CTTN: variants seen among roughly 807,000 people sequenced by gnomAD.
The protein encoded by CTTN is cortactin.
CTTN carries 28 observed loss-of-function variants against 84.0 expected under a neutral mutation model. The observed-to-expected ratio is 0.33, with a 90% CI of 0.25 to 0.46. The LOEUF (loss-of-function observed/expected upper bound fraction) is 0.46, where lower values mean the gene tolerates loss of function less well. Ranked by LOEUF, CTTN falls within the 20% of genes least tolerant of loss-of-function variation. The pLI, the probability that CTTN is intolerant of heterozygous loss-of-function variation, is 1.00. For synonymous variants in CTTN, 301 were observed against 288.8 expected (o/e 1.04, Z -0.43); for missense variants, 641 against 723.8 (o/e 0.89, Z 1.31).
At chr11:70,408,109 AAAATGCC>A (rs2058063140) in intron 4 of CTTN, 1 of 152,564 alleles carries the variant, frequency 6.6e-6, no homozygotes, top group Non-Finnish European at 1.5e-5. Flanking sequence ...GGCACTATCT[AAAATGCC>A]AGCTCTTGGG....
In CTTN at chr11:70,435,186, T is replaced by C. The variant is rs775739225; in HGVS notation, c.*24T>C. 3.8e-6 allele frequency: 6 copies of C among 1,589,990 alleles called. No individual in the cohort carries two copies. In the Admixed American group the frequency reaches 5.1e-5, roughly 14 times the overall value. ...AGGGCCCCCAGCCCCCCCCCGGAGC[T>C]GCGCCCTGGATCCTCACACTACAGA... On this transcript the variant is annotated 3_prime_UTR_variant, in exon 18 of 18. Transcript: ENST00000301843.
chr11:70,401,886 C>T (rs971820816), intron 1 of CTTN, among the ~76,000 whole-genome samples: 6 of 151,642 alleles, frequency 4.0e-5, no homozygotes, highest in African/African-American at 9.7e-5. Context: ...CGCGGTGGTT[C>T]GTGCCTGTAA....
chr11:70,420,573 C>A, intron 10 of CTTN, 63 bp downstream of exon 10: 1 of 1,217,726 alleles, frequency 8.2e-7, no homozygotes, highest in Non-Finnish European at 1.2e-6. Flanking sequence ...CTTGCGGGGT[C>A]AGTTGGTATG....
chr11:70,412,947 T>G (rs2058111193), intron 5 of CTTN, among the ~76,000 whole-genome samples: 1 of 152,234 alleles, frequency 6.6e-6, no homozygotes, highest in Non-Finnish European at 1.5e-5. Context: ...AAACTCATGC[T>G]GGGGAATCCC....
At chr11:70,416,749 A>G in intron 7 of CTTN, 2 of 378,992 alleles carry the variant, frequency 5.3e-6, no homozygotes, top group Non-Finnish European at 9.6e-6. Flanking sequence ...TTGATTTTCA[A>G]AGTGGGCATG....
At position 70,399,948 on chromosome 11, in the gene CTTN, T is replaced by C. The variant is rs565649218; in HGVS notation, c.-98+1334T>C. On this transcript the variant is annotated intron_variant, in intron 1 of 17. Transcript: ENST00000301843. ...GCAGGAGGGGCTGGCCGCCTGCCCC[T>C]GTCTCCATTCACGTGTTTGACCGTG... is the stretch of plus-strand genomic sequence containing the variant. 3.3e-5 allele frequency among the ~76,000 whole-genome samples: 5 copies of C among 152,208 alleles called. No individual in the cohort carries two copies. In the South Asian group the frequency reaches 6.2e-4, roughly 19 times the overall value.
At chr11:70,401,320 C>CA (rs1305361295) in intron 1 of CTTN, among the ~76,000 whole-genome samples, 3 of 149,932 alleles carry the variant, frequency 2.0e-5, no homozygotes, top group African/African-American at 7.4e-5. Flanking sequence ...AAAAAAAATA[C>CA]AAAAAATTAG....
chr11:70,436,412 G>A lies in CTTN; in HGVS notation c.*1250G>A, dbSNP rs749864731. 1.1e-5 allele frequency: 17 copies of A among 1,597,590 alleles called. No individual in the cohort carries two copies. Among genetic ancestry groups the A allele is most frequent in the Admixed American group, 8.4e-5 (5 of 59,852 alleles). On this transcript the variant is annotated 3_prime_UTR_variant, in exon 18 of 18. Coordinates refer to ENST00000301843, the MANE Select transcript of CTTN (RefSeq NM_005231.4). The stretch of plus-strand genomic sequence containing the variant: ...TTGGGTCCCGGAGTGCCCGTGAAGC[G>A]TGTTTTTGCTCCTGAGGTGCATTTT...
At chr11:70,403,602 T>A (rs1264657164) in intron 1 of CTTN, among the ~76,000 whole-genome samples, 3 of 152,186 alleles carry the variant, frequency 2.0e-5, no homozygotes, top group African/African-American at 7.2e-5. Flanking sequence ...ATTTTTTTCC[T>A]CTAGTGTTTT....
intron 1 of CTTN, among the ~76,000 whole-genome samples, chr11:70,403,211 A>C: frequency 9.4e-6 from 1 of 106,562 alleles, no homozygotes; most frequent in African/African-American, 3.8e-5. Context: ...TTTTTTTGAG[A>C]TGGAGTCTCA....
intron 17 of CTTN, among the ~76,000 whole-genome samples, chr11:70,434,375 G>T (rs1344802244): frequency 6.6e-6 from 1 of 152,256 alleles, no homozygotes; most frequent in Non-Finnish European, 1.5e-5. Flanking sequence ...CAGTTGACAA[G>T]CATCTTACGG....
intron 9 of CTTN, 169 bp from the exon 10 acceptor site, chr11:70,420,231 C>A (rs750693120): frequency 4.8e-5 from 30 of 629,622 alleles, no homozygotes; most frequent in Non-Finnish European, 8.1e-5. Flanking sequence ...TCCTGCCACT[C>A]TCCAAGGAGG....
chr11:70,416,779 A>C, intron 7 of CTTN: 2 of 488,024 alleles, frequency 4.1e-6, no homozygotes, highest in Non-Finnish European at 7.4e-6. Context: ...TTCTGACTAC[A>C]CAAAGGAACT....
intron 15 of CTTN, among the ~76,000 whole-genome samples, chr11:70,431,885 G>C (rs953493149): frequency 6.6e-6 from 1 of 152,056 alleles, no homozygotes; most frequent in African/African-American, 2.4e-5. Context: ...CCTGCTCCCC[G>C]CCAGCACCTC....
rs554365044 is a variant in CTTN at position 70,409,349 on chromosome 11, C to T, written c.162-482C>T. 9.2e-5 allele frequency among the ~76,000 whole-genome samples: 14 copies of T among 152,248 alleles called. No individual in the cohort carries two copies. In the South Asian group the frequency reaches 1.9e-3, roughly 20 times the overall value. Reference sequence around the variant, plus strand: ...GGCATTTAGATGTTAAATTCTGAAACGCTTTCCTCTCATCTTTGAATGTAT... The same window carrying T: ...GGCATTTAGATGTTAAATTCTGAAATGCTTTCCTCTCATCTTTGAATGTAT... On this transcript the variant is annotated intron_variant, in intron 4 of 17. Coordinates refer to ENST00000301843, the MANE Select transcript of CTTN (RefSeq NM_005231.4).
At chr11:70,398,949 C>G (rs1310566949) in intron 1 of CTTN, among the ~76,000 whole-genome samples, 3 of 146,152 alleles carry the variant, frequency 2.1e-5, no homozygotes, top group Non-Finnish European at 4.5e-5. Context: ...GGGAGGGTCC[C>G]TGGGCGCCGG....
intron 13 of CTTN, 63 bp downstream of exon 13, chr11:70,425,464 C>G: frequency 2.3e-6 from 3 of 1,308,376 alleles, no homozygotes; most frequent in Non-Finnish European, 3.3e-6. Flanking sequence ...AGGGGAAGGA[C>G]AGTTGTGAAA....
chr11:70,414,534 T>C lies in CTTN; in HGVS notation c.292-8T>C, dbSNP rs754687477. The C allele has an allele frequency of 5.6e-6, 9 of 1,609,564 alleles. No individual in the cohort carries two copies. The highest frequency in any genetic ancestry group is 5.0e-5 in the Admixed American group (3 of 59,950). On this transcript the variant is annotated splice_polypyrimidine_tract_variant and splice_region_variant and intron_variant, in intron 5 of 17. Transcript: ENST00000301843. ...TGTCTAATGCTTTGTGTTTGAACCCTGTTCCAGTCAGCTGTCGGCCACGAA... is the reference window on the plus strand; with the variant it reads ...TGTCTAATGCTTTGTGTTTGAACCCCGTTCCAGTCAGCTGTCGGCCACGAA...
At chr11:70,434,891 T>C (rs886290700) in intron 17 of CTTN, 135 bp from the exon 18 acceptor site, 4 of 902,584 alleles carry the variant, frequency 4.4e-6, no homozygotes, top group Non-Finnish European at 7.1e-6. Flanking sequence ...AGCAGGAGCC[T>C]CCGCGGTGGT....
Sources: allele counts gnomAD v4.1 joint callset (sites outside exome capture counted in the v4.1 genomes callset), GRCh38; gene constraint gnomAD v4.1.1; transcripts MANE v1.5; gene names NCBI Gene and HGNC (gene_info 2026-07-23, HGNC 2026-07-21).